The following SNRNP40 variants were observed in gnomAD, a reference collection of about 807,000 sequenced individuals.
The protein encoded by SNRNP40 is U5 small nuclear ribonucleoprotein 40 kDa protein.
SNRNP40 carries 21 observed loss-of-function variants against 45.8 expected under a neutral mutation model. The ratio of observed to expected loss-of-function variants is 0.46; its 90% CI spans 0.32 to 0.66. The LOEUF is 0.66. Among genes scored for constraint, SNRNP40 ranks in the 30% least tolerant of loss-of-function variants. The pLI, the probability that SNRNP40 is intolerant of heterozygous loss-of-function variation, is 0.03. For missense variants in SNRNP40, 344 were observed against 439.1 expected (o/e 0.78, Z 1.94); for synonymous variants, 142 against 163.8 (o/e 0.87, Z 1.01).
chr1:31,282,200 T>C (rs1646021322), intron 4 of SNRNP40: 1 of 152,158 alleles, frequency 6.6e-6, no homozygotes, highest in Non-Finnish European at 1.5e-5. Flanking sequence ...CTATTTCTTA[T>C]TGTCAAAGAA....
chr1:31,289,217 C>T (rs199828301), intron 4 of SNRNP40, 37 bp downstream of exon 4: 45 of 1,600,910 alleles, frequency 2.8e-5, no homozygotes, highest in Non-Finnish European at 3.7e-5. Context: ...CACATCACAT[C>T]ACCTCAGAAA....
At chr1:31,289,602 T>C (rs1466287368) in intron 3 of SNRNP40, among the ~76,000 whole-genome samples, 183 bp from the exon 4 acceptor site, 1 of 152,096 alleles carries the variant, frequency 6.6e-6, no homozygotes, top group African/African-American at 2.4e-5. Flanking sequence ...TAGGCCCAGA[T>C]GGCCCAGATA....
At chr1:31,280,654 T>C (rs1557677540) in intron 5 of SNRNP40, among the ~76,000 whole-genome samples, 1 of 152,146 alleles carries the variant, frequency 6.6e-6, no homozygotes, top group South Asian at 2.1e-4. Flanking sequence ...ACAGAAGCTG[T>C]GCAGGCCCAA....
rs184238988 is a variant in SNRNP40 at position 31,275,309 on chromosome 1, A to G, written c.655-3810T>C. 6.6e-3 allele frequency among the ~76,000 whole-genome samples: 1,000 copies of G among 152,278 alleles called. 6 individuals carry two copies. Among genetic ancestry groups the G allele is most frequent in the Non-Finnish European group, 0.01 (707 of 68,032 alleles). Reference sequence around the variant, plus strand: ...AGGAGCCTCTCCTTTGCATGTTTAAAGAAATTTATGAGGTCTTTTAGGACA... The same window carrying G: ...AGGAGCCTCTCCTTTGCATGTTTAAGGAAATTTATGAGGTCTTTTAGGACA... On this transcript the variant is annotated intron_variant, in intron 5 of 9. Transcript: ENST00000263694.
intron 3 of SNRNP40, among the ~76,000 whole-genome samples, chr1:31,290,411 A>C (rs1646095849): frequency 6.6e-6 from 1 of 152,210 alleles, no homozygotes; most frequent in African/African-American, 2.4e-5. Flanking sequence ...GAGGTCAGAA[A>C]TGTAAAACAA....
intron 4 of SNRNP40, among the ~76,000 whole-genome samples, chr1:31,287,504 T>C (rs1285512214): frequency 6.6e-6 from 1 of 152,180 alleles, no homozygotes; most frequent in African/African-American, 2.4e-5. Flanking sequence ...AATAATAATG[T>C]TAACAAAATT....
Position 31,259,940 on chromosome 1 carries a change from A to C in SNRNP40, c.*132T>G, listed in dbSNP as rs762656229. ...CAGAAGTGGTTTTTGGAATATGGCC[A>C]CCGCCTCCTGTTTCTTGCTAGCAAT... is the stretch of plus-strand genomic sequence containing the variant. On this transcript the variant is annotated 3_prime_UTR_variant, in exon 10 of 10. Coordinates refer to ENST00000263694, the MANE Select transcript of SNRNP40 (RefSeq NM_004814.3). 20 of 751,084 alleles carry C rather than the reference A, an allele frequency of 2.7e-5. No individual in the cohort carries two copies. The highest frequency in any genetic ancestry group is 4.8e-5 in the Non-Finnish European group (20 of 419,014). The allele number at this position is 751,084 out of a possible 1,614,324, so 46.5% of individuals were successfully genotyped here.
intron 4 of SNRNP40, chr1:31,281,891 G>T (rs1159380946): frequency 6.4e-6 from 1 of 155,938 alleles, no homozygotes; most frequent in Non-Finnish European, 1.4e-5. Flanking sequence ...AAAATAGAGG[G>T]TATGTCAGTG....
At position 31,267,866 on chromosome 1, in the gene SNRNP40, C is replaced by T; in HGVS notation, c.920+5G>A. The T allele has an allele frequency of 6.2e-7, 1 of 1,610,178 alleles. No homozygotes were observed. Among genetic ancestry groups the T allele is most frequent in the Non-Finnish European group, 8.5e-7 (1 of 1,176,676 alleles). The stretch of plus-strand genomic sequence containing the variant: ...ATTCTTTACTTTGCACCCACTAATC[C>T]TTACCTGTCGGCTGAGCCAGCTGCT... On this transcript the variant is annotated splice_donor_5th_base_variant and intron_variant, in intron 8 of 9. Transcript: ENST00000263694.
At chr1:31,285,242 C>T (rs1301968193) in intron 4 of SNRNP40, among the ~76,000 whole-genome samples, 15 of 139,346 alleles carry the variant, frequency 1.1e-4, no homozygotes, top group African/African-American at 2.7e-4. Context: ...GCCTTATCAC[C>T]TTTTTTTTTT....
chr1:31,269,022 C>G lies in SNRNP40; in HGVS notation c.858+136G>C, dbSNP rs547718860. 18 of 786,640 alleles carry G rather than the reference C, an allele frequency of 2.3e-5. No individual in the cohort carries two copies. In the African/African-American group the frequency reaches 3.2e-4, roughly 14 times the overall value. The allele number at this position is 786,640 out of a possible 1,614,324, so 48.7% of individuals were successfully genotyped here. ...TTTCTATCCGTTTTATTTTTGGCAA[C>G]AAGTTTTAATTAAGAGCAGTGTTAT... On this transcript the variant is annotated intron_variant, in intron 7 of 9. Coordinates refer to ENST00000263694, the MANE Select transcript of SNRNP40 (RefSeq NM_004814.3).
In SNRNP40 at chr1:31,282,609, A is replaced by T. The variant is rs1424015812; in HGVS notation, c.532-1113T>A. 84 of 141,078 alleles carry T rather than the reference A, an allele frequency of 6.0e-4. 1 individual carries two copies. The highest frequency in any genetic ancestry group is 1.6e-4 in the Non-Finnish European group (10 of 63,668). The allele number at this position is 141,078 out of a possible 1,614,324, so 8.7% of individuals were successfully genotyped here. A position where few individuals can be genotyped will look rare whatever the true frequency, so the allele number is the denominator to read the frequency against. ...TATCTATCTATCTATCTATCTATCT[A>T]TCTATCTTTCTATCATCTATATCTA... On this transcript the variant is annotated intron_variant, in intron 4 of 9. Transcript: ENST00000263694.
chr1:31,268,068 T>A, intron 7 of SNRNP40, 136 bp from the exon 8 acceptor site: 1 of 585,534 alleles, frequency 1.7e-6, no homozygotes. Context: ...GTAATTATCT[T>A]ATATTCTATG....
At chr1:31,293,454 T>A (rs1052197816) in intron 1 of SNRNP40, 106 bp from the exon 2 acceptor site, 2 of 1,170,180 alleles carry the variant, frequency 1.7e-6, no homozygotes, top group Admixed American at 3.0e-5. Context: ...AATGATTAAG[T>A]GGGTTTCATC....
chr1:31,263,628 A>T, intron 8 of SNRNP40: 1 of 469,588 alleles, frequency 2.1e-6, no homozygotes. Flanking sequence ...GAGCTCATCT[A>T]GGCTCTCCTG....
In SNRNP40 at chr1:31,281,475, C is replaced by T. The variant is rs1646016132; in HGVS notation, c.553G>A (p.Ala185Thr). Reference sequence around the variant, plus strand: ...GTGTTCTGAAATGTCTGGATGGCTGCTTTCTTCCGGATGTCCCAAAGCTGA... The same window carrying T: ...GTGTTCTGAAATGTCTGGATGGCTGTTTTCTTCCGGATGTCCCAAAGCTGA... ...TVKLWDIRKKAAIQTFQNTYQ... is the reference protein window; with the variant it reads ...TVKLWDIRKKTAIQTFQNTYQ... Residue 185 changes from alanine (A) to threonine (T), a missense_variant, in exon 5 of 10, where the codon GCA becomes ACA. Ala to Thr is a moderately conservative substitution (Grantham distance 58, BLOSUM62 0). This residue lies in a region of SNRNP40 where 254 missense variants were observed against 380.2 expected (regional missense o/e 0.67). Coordinates refer to ENST00000263694, the MANE Select transcript of SNRNP40 (RefSeq NM_004814.3). The T allele has an allele frequency of 6.2e-7, 1 of 1,606,784 alleles. No individual in the cohort carries two copies. Among genetic ancestry groups the T allele is most frequent in the Non-Finnish European group, 8.5e-7 (1 of 1,173,852 alleles).
intron 4 of SNRNP40, among the ~76,000 whole-genome samples, chr1:31,287,751 G>C (rs1419348475): frequency 6.6e-6 from 1 of 152,178 alleles, no homozygotes; most frequent in Non-Finnish European, 1.5e-5. Flanking sequence ...TGTAATCCCA[G>C]CACTTTGGGA....
intron 3 of SNRNP40, among the ~76,000 whole-genome samples, chr1:31,290,548 G>A (rs927524324): frequency 1.3e-5 from 2 of 152,156 alleles, no homozygotes; most frequent in East Asian, 1.9e-4. Context: ...TGTTGGCTGA[G>A]CAATGTTAAG....
intron 2 of SNRNP40, 56 bp from the exon 3 acceptor site, chr1:31,292,062 A>T: frequency 8.2e-7 from 1 of 1,223,834 alleles, no homozygotes; most frequent in South Asian, 1.2e-5. Flanking sequence ...TTATAAATTT[A>T]TCAGAACAAC....
Sources: allele counts gnomAD v4.1 joint callset (sites outside exome capture counted in the v4.1 genomes callset), GRCh38; gene constraint gnomAD v4.1.1; regional missense constraint gnomAD v4.1.1; transcripts MANE v1.5; gene names NCBI Gene and HGNC (gene_info 2026-07-23, HGNC 2026-07-21).